SLC25A53: variants seen among roughly 807,000 people sequenced by gnomAD.
SLC25A53 encodes the protein solute carrier family 25 member 53.
Under a neutral mutation model 15.0 loss-of-function variants are expected in SLC25A53, and 5 were observed. The ratio of observed to expected loss-of-function variants is 0.33; its 90% CI spans 0.17 to 0.70. SLC25A53 has a LOEUF of 0.70. Ranked by LOEUF, SLC25A53 falls within the 30% of genes least tolerant of loss-of-function variation. The pLI, the probability that SLC25A53 is intolerant of heterozygous loss-of-function variation, is 0.67. For synonymous variants in SLC25A53, 95 were observed against 100.0 expected (o/e 0.95, Z 0.30); for missense variants, 216 against 241.6 (o/e 0.89, Z 0.70).
chrX:104,150,169 G>C (rs1465392237), intron 1 of SLC25A53, among the ~76,000 whole-genome samples: 1 of 107,260 alleles, frequency 9.3e-6, no homozygotes, highest in East Asian at 2.9e-4. Context: ...GGAGGCGGAG[G>C]CTGCAGTGAG....
At chrX:104,140,417 G>C (rs7051242) in intron 1 of SLC25A53, among the ~76,000 whole-genome samples, 4,259 of 110,287 alleles carry the variant, frequency 0.039, 177 homozygotes, top group African/African-American at 0.13. Context: ...TTGGTTCAGT[G>C]AGGGGATTTA....
chrX:104,112,307 C>T (rs1478192769), intron 1 of SLC25A53: 1 of 113,205 alleles, frequency 8.8e-6, no homozygotes, highest in Non-Finnish European at 1.9e-5. Flanking sequence ...GGGTTAGCAG[C>T]AAACTCACGG....
chrX:104,145,113 C>G (rs2075462340), intron 1 of SLC25A53, among the ~76,000 whole-genome samples: 1 of 112,306 alleles, frequency 8.9e-6, no homozygotes, highest in South Asian at 3.6e-4. Flanking sequence ...CAAACTGTCT[C>G]TCAGACTACA....
intron 1 of SLC25A53, among the ~76,000 whole-genome samples, chrX:104,111,940 C>G (rs1370532664): frequency 1.8e-5 from 2 of 111,899 alleles, no homozygotes; most frequent in Non-Finnish European, 3.8e-5. Flanking sequence ...CTTAATCTGA[C>G]AGAATAGAGG....
chrX:104,152,595 G>A (rs1029586378), intron 1 of SLC25A53, among the ~76,000 whole-genome samples: 5 of 110,730 alleles, frequency 4.5e-5, no homozygotes, highest in African/African-American at 6.6e-5. Context: ...CTGCCACCAC[G>A]TCCAGCTAAT....
chrX:104,139,064 G>A (rs1340104380), intron 1 of SLC25A53, among the ~76,000 whole-genome samples: 3 of 112,481 alleles, frequency 2.7e-5, no homozygotes, highest in Non-Finnish European at 5.6e-5. Flanking sequence ...CGGGGGTAGA[G>A]GCCTAGCCAG....
At chrX:104,117,313 T>C (rs2075380722) in intron 1 of SLC25A53, among the ~76,000 whole-genome samples, 1 of 107,243 alleles carries the variant, frequency 9.3e-6, no homozygotes, top group Non-Finnish European at 1.9e-5. Flanking sequence ...TTACCACCAC[T>C]CCCCTTCCCT....
In SLC25A53 at chrX:104,104,809, C is replaced by A; in HGVS notation, c.449G>T (p.Arg150Leu). ...NVLQDGRKQA[R>L]FPSTFSILKE... is the part of the protein sequence containing the mutation. ...GAGAATGCTGAAGGTGCTGGGGAAG[C>A]GAGCTTGCTTGCGACCATCCTGGAG... Residue 150 changes from arginine (R) to leucine (L), a missense_variant, in exon 2 of 2, where the codon CGC (arginine) becomes CTC (leucine). Arg to Leu is a moderately radical substitution (Grantham distance 102). Transcript: ENST00000594199. 1 of 1,211,758 alleles carries A rather than the reference C, an allele frequency of 8.3e-7. No individual in the cohort carries two copies. Among genetic ancestry groups the A allele is most frequent in the Non-Finnish European group, 1.1e-6 (1 of 895,545 alleles).
At position 104,114,654 on chromosome X, in the gene SLC25A53, C is replaced by G; in HGVS notation, c.-31-9366G>C. The G allele has an allele frequency of 3.3e-6, 4 of 1,211,931 alleles. No individual in the cohort carries two copies. The South Asian group carries it at 7.0e-5, about 21-fold the overall frequency. On this transcript the variant is annotated intron_variant, in intron 1 of 1. Transcript: ENST00000594199. ...CTCGCTTGCAACAGCTTCTTTTAGG[C>G]GCTGAGCTGAATAGGGACCTGCGCT...
rs112530678 is a variant in SLC25A53, at chrX:104,104,882, C to T, written c.376G>A (p.Val126Met). The change falls in exon 2 of 2, where the codon GTG becomes ATG. Residue 126 changes from valine to methionine, a missense_variant. Coordinates refer to ENST00000594199, the MANE Select transcript of SLC25A53 (RefSeq NM_001012755.5). ...HRWAAGLMSG[V>M]VEAVALSPFE... is the part of the protein sequence containing the mutation. ...GGGCTGAGTGCCACGGCCTCCACCA[C>T]GCCAGACATGAGCCCGGCAGCCCAG... The T allele has an allele frequency of 1.4e-4, 172 of 1,210,107 alleles. No homozygotes were observed. Among genetic ancestry groups the T allele is most frequent in the Admixed American group, 2.0e-4 (9 of 45,782 alleles).
intron 1 of SLC25A53, among the ~76,000 whole-genome samples, chrX:104,127,957 C>G (rs985376660): frequency 1.7e-4 from 19 of 110,218 alleles, no homozygotes; most frequent in African/African-American, 6.3e-4. Flanking sequence ...GAGCTAGACT[C>G]TGTCTCAAAA....
chrX:104,116,686 G>A (rs1253952479), intron 1 of SLC25A53, among the ~76,000 whole-genome samples: 2 of 111,222 alleles, frequency 1.8e-5, no homozygotes, highest in African/African-American at 3.3e-5. Context: ...GGACAAAAGG[G>A]TCTAGGCTGA....
rs2075281816 is a variant in SLC25A53, at chrX:104,101,752, C to T, written c.*2582G>A. On this transcript the variant is annotated 3_prime_UTR_variant, in exon 2 of 2. Transcript: ENST00000594199. ...TCAGATAGTTCAGGGAAAAAATATC[C>T]TGTGTGTGTATAGACAGAGTGCACA... is the stretch of plus-strand genomic sequence containing the variant. The T allele has an allele frequency of 1.8e-5, 2 of 111,863 alleles. No individual in the cohort carries two copies. Among genetic ancestry groups the T allele is most frequent in the African/African-American group, 3.2e-5 (1 of 30,771 alleles). The allele number at this position is 111,863 out of a possible 1,213,427, so 9.2% of individuals were successfully genotyped here.
chrX:104,120,388 G>T (rs929505992), intron 1 of SLC25A53, among the ~76,000 whole-genome samples: 2 of 111,768 alleles, frequency 1.8e-5, no homozygotes, highest in African/African-American at 6.5e-5. Context: ...TGTCAACAAA[G>T]CTTCATAACT....
chrX:104,138,847 G>A (rs1193948600), intron 1 of SLC25A53, among the ~76,000 whole-genome samples: 1 of 111,446 alleles, frequency 9.0e-6, no homozygotes, highest in African/African-American at 3.3e-5. Flanking sequence ...CTGTCGATGC[G>A]TTCCTCTCCA....
At chrX:104,138,253 A>C (rs1569463805) in intron 1 of SLC25A53, among the ~76,000 whole-genome samples, 3 of 111,522 alleles carry the variant, frequency 2.7e-5, no homozygotes, top group Non-Finnish European at 5.7e-5. Flanking sequence ...CAAAAAAAAA[A>C]CAAAATTTAG....
intron 1 of SLC25A53, among the ~76,000 whole-genome samples, chrX:104,122,542 ACT>A (rs1240378714): frequency 1.9e-5 from 2 of 108,036 alleles, no homozygotes; most frequent in African/African-American, 6.8e-5. Flanking sequence ...GGCTGCTCAC[ACT>A]CTCTTTTTCC....
intron 1 of SLC25A53, among the ~76,000 whole-genome samples, chrX:104,133,241 A>G (rs1246705066): frequency 1.7e-4 from 19 of 112,298 alleles, no homozygotes. Context: ...CCTATACCAA[A>G]GAAAAAAGGC....
At chrX:104,130,711 C>G (rs1208999711) in intron 1 of SLC25A53, 1 of 110,660 alleles carries the variant, frequency 9.0e-6, no homozygotes, top group African/African-American at 3.3e-5. Context: ...TCAACATTCT[C>G]TTTCTCCTAA....
Sources: gnomAD v4.1 joint callset for allele counts (sites outside exome capture counted in the v4.1 genomes callset) on GRCh38, gnomAD v4.1.1 for gene constraint, MANE v1.5 for transcripts, NCBI Gene and HGNC (gene_info 2026-07-23, HGNC 2026-07-21) for gene names.